Variants in CATSPERT observed in about 807,000 individuals in gnomAD.
CATSPERT encodes the protein cation channel sperm-associated targeting subunit tau.
At chr2:201,510,747 AC>A in the CATSPERT span, among the ~76,000 whole-genome samples, 1 of 152,304 alleles carries the variant, frequency 6.6e-6, no homozygotes, top group Non-Finnish European at 1.5e-5. Context: ...AAACATAAAA[AC>A]CATATGCTAT....
chr2:201,520,886 G>GAAAAAAAA, the CATSPERT span, among the ~76,000 whole-genome samples: 1 of 140,146 alleles, frequency 7.1e-6, no homozygotes, highest in Non-Finnish European at 1.5e-5. Context: ...TCCTGTCTCA[G>GAAAAAAAA]AAAAAAAAAA....
the CATSPERT span, chr2:201,619,085 T>C: frequency 6.2e-7 from 1 of 1,614,182 alleles, no homozygotes; most frequent in Admixed American, 1.7e-5. Flanking sequence ...CCGCTGCGGT[T>C]ATCAAGTGTG....
At chr2:201,488,619 C>T in the CATSPERT span, among the ~76,000 whole-genome samples, 4 of 151,956 alleles carry the variant, frequency 2.6e-5, no homozygotes, top group Non-Finnish European at 5.9e-5. Flanking sequence ...TTAGGGTAAA[C>T]AATTTCCTCA....
At chr2:201,543,727 G>C in the CATSPERT span, among the ~76,000 whole-genome samples, 1 of 152,066 alleles carries the variant, frequency 6.6e-6, no homozygotes, top group African/African-American at 2.4e-5. Flanking sequence ...CTGAATTCAT[G>C]TATTGGTTCT....
the CATSPERT span, chr2:201,487,862 G>A: frequency 6.2e-7 from 1 of 1,613,458 alleles, no homozygotes; most frequent in Non-Finnish European, 8.5e-7. Context: ...GTGTGTAAAT[G>A]AGGTCATGTC....
the CATSPERT span, among the ~76,000 whole-genome samples, chr2:201,503,229 T>C: frequency 1.3e-5 from 2 of 152,212 alleles, no homozygotes; most frequent in African/African-American, 4.8e-5. Flanking sequence ...ATTGCTTTTT[T>C]ATATGCCCAG....
At chr2:201,563,458 G>T in the CATSPERT span, among the ~76,000 whole-genome samples, 1 of 12,900 alleles carries the variant, frequency 7.8e-5, no homozygotes, top group Non-Finnish European at 1.9e-4. Flanking sequence ...GGCTGGCCGG[G>T]CGGGGGGCTG....
chr2:201,542,417 CTATT>C, the CATSPERT span, among the ~76,000 whole-genome samples: 1 of 152,112 alleles, frequency 6.6e-6, no homozygotes, highest in Non-Finnish European at 1.5e-5. Context: ...TATGATTTAT[CTATT>C]TGTCATTTTT....
chr2:201,508,188 A>G, the CATSPERT span, among the ~76,000 whole-genome samples: 1 of 152,224 alleles, frequency 6.6e-6, no homozygotes. Context: ...GGCTGACACA[A>G]ATAGATTTAT....
the CATSPERT span, chr2:201,571,943 C>A: frequency 6.2e-7 from 1 of 1,612,614 alleles, no homozygotes; most frequent in Non-Finnish European, 8.5e-7. Context: ...ACACTTACGT[C>A]ACGGGATCTG....
chr2:201,494,344 A>G, the CATSPERT span: 1 of 1,537,030 alleles, frequency 6.5e-7, no homozygotes. Flanking sequence ...TAAATATTCT[A>G]TATGGGGGGT....
chr2:201,529,788 A>G, the CATSPERT span, among the ~76,000 whole-genome samples: 1,640 of 152,296 alleles, frequency 0.011, 35 homozygotes, highest in African/African-American at 0.037. Flanking sequence ...TCTGTACAGA[A>G]AAGGAAACAA....
chr2:201,496,791 C>A, the CATSPERT span, among the ~76,000 whole-genome samples: 9 of 152,194 alleles, frequency 5.9e-5, no homozygotes, highest in Non-Finnish European at 1.3e-4. Context: ...TAGAGACAAT[C>A]TAGTTCTAGT....
At chr2:201,492,155 A>C in the CATSPERT span, 1 of 1,525,840 alleles carries the variant, frequency 6.6e-7, no homozygotes, top group Non-Finnish European at 8.7e-7. Context: ...ACCGTTTGTA[A>C]AGTGGTTTGT....
the CATSPERT span, among the ~76,000 whole-genome samples, chr2:201,567,412 C>A: frequency 6.6e-6 from 1 of 152,136 alleles, no homozygotes; most frequent in African/African-American, 2.4e-5. Context: ...TTATGATAAG[C>A]AATTGGCTCA....
the CATSPERT span, among the ~76,000 whole-genome samples, chr2:201,594,837 T>G: frequency 6.6e-6 from 1 of 152,228 alleles, no homozygotes; most frequent in Non-Finnish European, 1.5e-5. Flanking sequence ...CATCAGCTCC[T>G]TTAAGCACTT....
chr2:201,604,132 G>GGTGTGT, the CATSPERT span, among the ~76,000 whole-genome samples: 1 of 138,358 alleles, frequency 7.2e-6, no homozygotes, highest in Non-Finnish European at 1.6e-5. Context: ...CCCTCTGTGT[G>GGTGTGT]GTGTGTGTGT....
At chr2:201,491,483 C>CT in the CATSPERT span, 1 of 1,532,186 alleles carries the variant, frequency 6.5e-7, no homozygotes, top group Non-Finnish European at 8.8e-7. Flanking sequence ...GTTTGTATTT[C>CT]TTTTTTGTAT....
chr2:201,608,338 C>CA, the CATSPERT span, among the ~76,000 whole-genome samples: 2 of 151,984 alleles, frequency 1.3e-5, no homozygotes, highest in African/African-American at 4.8e-5. Context: ...AACTGAATGC[C>CA]AAAAAACTCA....
Sources: allele counts gnomAD v4.1 joint callset (sites outside exome capture counted in the v4.1 genomes callset), GRCh38; gene constraint gnomAD v4.1.1; transcripts MANE v1.5; gene names NCBI Gene and HGNC (gene_info 2026-07-23, HGNC 2026-07-21).